The following GABRB1 variants were observed in gnomAD, a reference collection of about 807,000 sequenced individuals.
GABRB1 encodes the protein gamma-aminobutyric acid type A receptor subunit beta1, also known as gamma-aminobutyric acid receptor subunit beta-1.
A neutral mutation model predicts 51.6 loss-of-function variants in GABRB1; 17 were observed. The ratio of observed to expected loss-of-function variants is 0.33; its 90% CI spans 0.23 to 0.49. The LOEUF (loss-of-function observed/expected upper bound fraction) is 0.49. Among genes scored for constraint, GABRB1 ranks in the 20% least tolerant of loss-of-function variants. The pLI is 0.99. For missense variants in GABRB1, 410 were observed against 600.6 expected (o/e 0.68, Z 3.32); for synonymous variants, 247 against 218.9 (o/e 1.13, Z -1.14).
chr4:47,215,906 G>A (rs979764231), intron 4 of GABRB1, among the ~76,000 whole-genome samples: 1 of 152,024 alleles, frequency 6.6e-6, no homozygotes, highest in Admixed American at 6.6e-5. Flanking sequence ...CAGCTCCTCT[G>A]AAATTATTCA....
At chr4:47,185,340 T>C (rs183571155) in intron 4 of GABRB1, among the ~76,000 whole-genome samples, 3 of 151,982 alleles carry the variant, frequency 2.0e-5, no homozygotes, top group Non-Finnish European at 4.4e-5. Context: ...CTTCTCTTAG[T>C]CCTTTTCCTT....
At chr4:47,262,792 C>T (rs1443566178) in intron 4 of GABRB1, among the ~76,000 whole-genome samples, 1 of 151,950 alleles carries the variant, frequency 6.6e-6, no homozygotes, top group Non-Finnish European at 1.5e-5. Flanking sequence ...TTGGAACCAA[C>T]CCAAATTCCA....
rs537256095 is a variant in GABRB1, at chr4:47,257,695, G to GA, written c.462-62420dup. The stretch of plus-strand genomic sequence containing the variant: ...CAAATCAAGGAAAGCTAAGAGTCAG[G>GA]AAAAAAAAAAAACTAGTGAAAAATC... On this transcript the variant is annotated intron_variant, in intron 4 of 8. Transcript: ENST00000295454. Among the ~76,000 whole-genome samples, 556 of 140,450 alleles carry GA rather than the reference G, an allele frequency of 4.0e-3. 1 individual carries two copies. The highest frequency in any genetic ancestry group is 4.0e-3 in the African/African-American group (152 of 38,430). 92.1% of individuals were successfully genotyped at this position (140,450 alleles called of 152,430 possible). A position where few individuals can be genotyped will look rare whatever the true frequency, so the allele number is the denominator to read the frequency against.
At chr4:47,378,037 C>T (rs369268933) in intron 5 of GABRB1, among the ~76,000 whole-genome samples, 20 of 152,226 alleles carry the variant, frequency 1.3e-4, no homozygotes, top group African/African-American at 4.3e-4. Flanking sequence ...CGGCACCGTG[C>T]GCCCACGCTC....
chr4:47,106,436 A>C (rs1424552118), intron 3 of GABRB1, among the ~76,000 whole-genome samples: 1 of 152,094 alleles, frequency 6.6e-6, no homozygotes, highest in Non-Finnish European at 1.5e-5. Context: ...TTATAGAAAA[A>C]AAATCTATAT....
intron 4 of GABRB1, among the ~76,000 whole-genome samples, chr4:47,277,258 C>T (rs1269281402): frequency 6.6e-6 from 1 of 151,838 alleles, no homozygotes; most frequent in East Asian, 1.9e-4. Flanking sequence ...ATAAGCCAGG[C>T]ATAAGGAAGA....
chr4:47,358,103 T>G (rs2110006627), intron 5 of GABRB1, among the ~76,000 whole-genome samples: 1 of 152,210 alleles, frequency 6.6e-6, no homozygotes, highest in South Asian at 2.1e-4. Flanking sequence ...TAAAGACACA[T>G]TCCTAGAAAA....
At position 47,214,149 on chromosome 4, in the gene GABRB1, T is replaced by G. The variant is rs35543831; in HGVS notation, c.461+52680T>G. The stretch of plus-strand genomic sequence containing the variant: ...ATAATAGATGGTTGTTCTCCATCTG[T>G]GGGAATAGTGTCTTAACAGGACTCC... On this transcript the variant is annotated intron_variant, in intron 4 of 8. Transcript: ENST00000295454. Among the ~76,000 whole-genome samples the G allele has an allele frequency of 7.2e-3, 1,101 of 152,308 alleles. 7 individuals are homozygous for G. The highest frequency in any genetic ancestry group is 0.025 in the African/African-American group (1,043 of 41,574).
intron 4 of GABRB1, among the ~76,000 whole-genome samples, chr4:47,196,293 T>C (rs1719677525): frequency 1.3e-5 from 2 of 152,218 alleles, no homozygotes; most frequent in Non-Finnish European, 2.9e-5. Flanking sequence ...AAATCCATTT[T>C]CAAGCATTTT....
chr4:47,294,832 G>T (rs894017173), intron 4 of GABRB1, among the ~76,000 whole-genome samples: 17 of 152,298 alleles, frequency 1.1e-4, no homozygotes, highest in South Asian at 2.1e-4. Context: ...CCTGACCCCC[G>T]AGCAGCCTAA....
At chr4:47,300,274 T>C (rs1001746506) in intron 4 of GABRB1, among the ~76,000 whole-genome samples, 2 of 151,964 alleles carry the variant, frequency 1.3e-5, no homozygotes, top group Admixed American at 1.3e-4. Context: ...TAAAAAAGTG[T>C]TAATAGTAAA....
At chr4:47,333,852 G>A (rs538063956) in intron 5 of GABRB1, among the ~76,000 whole-genome samples, 4 of 152,288 alleles carry the variant, frequency 2.6e-5, no homozygotes, top group Admixed American at 1.3e-4. Context: ...TATAGGTACT[G>A]GCTGTACTCA....
chr4:47,090,338 A>T (rs1231688097), intron 3 of GABRB1, among the ~76,000 whole-genome samples: 5 of 152,234 alleles, frequency 3.3e-5, no homozygotes, highest in African/African-American at 9.6e-5. Context: ...AAAAATTGTT[A>T]TACGAAGACA....
rs17652910 is a variant in GABRB1 at position 47,164,753 on chromosome 4, A to G, written c.461+3284A>G. ...AGTCAGTTGTCTATTTTTGTGAACTATGTCAATTCATATTTTTCACCAAAG... is the reference window on the plus strand; with the variant it reads ...AGTCAGTTGTCTATTTTTGTGAACTGTGTCAATTCATATTTTTCACCAAAG... On this transcript the variant is annotated intron_variant, in intron 4 of 8. Coordinates refer to ENST00000295454, the MANE Select transcript of GABRB1 (RefSeq NM_000812.4). 5.0e-3 allele frequency among the ~76,000 whole-genome samples: 761 copies of G among 152,196 alleles called. 13 individuals are homozygous for G. The East Asian group carries it at 0.064, about 13-fold the overall frequency.
intron 3 of GABRB1, among the ~76,000 whole-genome samples, chr4:47,102,331 T>C (rs577598588): frequency 6.6e-6 from 1 of 152,096 alleles, no homozygotes; most frequent in East Asian, 1.9e-4. Flanking sequence ...ACAAGTACAC[T>C]CTTTCAAGAG....
At chr4:47,073,543 CA>C (rs2109550639) in intron 3 of GABRB1, among the ~76,000 whole-genome samples, 1 of 152,186 alleles carries the variant, frequency 6.6e-6, no homozygotes, top group South Asian at 2.1e-4. Flanking sequence ...GAAAGTCACA[CA>C]AGTAAAAGGA....
chr4:47,307,773 C>T (rs1056488891), intron 4 of GABRB1, among the ~76,000 whole-genome samples: 4 of 151,660 alleles, frequency 2.6e-5, no homozygotes, highest in Admixed American at 6.6e-5. Flanking sequence ...TGATATATCA[C>T]TAATAATTTT....
intron 5 of GABRB1, among the ~76,000 whole-genome samples, chr4:47,322,350 G>T (rs1233105782): frequency 1.3e-5 from 2 of 152,090 alleles, no homozygotes; most frequent in African/African-American, 2.4e-5. Context: ...TCCAGCAGCT[G>T]GTCACAGAAC....
chr4:47,262,478 T>C (rs569639835), intron 4 of GABRB1, among the ~76,000 whole-genome samples: 1 of 152,064 alleles, frequency 6.6e-6, no homozygotes, highest in South Asian at 2.1e-4. Flanking sequence ...GAAATGCAAA[T>C]CAAAACCACA....
Sources: gnomAD v4.1 joint callset for allele counts (sites outside exome capture counted in the v4.1 genomes callset) on GRCh38, gnomAD v4.1.1 for gene constraint, MANE v1.5 for transcripts, NCBI Gene and HGNC (gene_info 2026-07-23, HGNC 2026-07-21) for gene names.